The following ERBIN variants were observed in gnomAD, a reference collection of about 807,000 sequenced individuals.
ERBIN encodes the protein densin-180-like protein.
ERBIN carries 60 observed loss-of-function variants against 158.4 expected under a neutral mutation model. That is an observed-to-expected ratio of 0.38 (90% CI 0.31 to 0.47). The LOEUF (loss-of-function observed/expected upper bound fraction) is 0.47, where lower values mean the gene tolerates loss of function less well. ERBIN is among the 20% of genes least tolerant of loss of function. The pLI is 0.99. For missense variants in ERBIN, 1,610 were observed against 1,648.0 expected (o/e 0.98, Z 0.40); for synonymous variants, 594 against 557.2 (o/e 1.07, Z -0.93).
At chr5:65,977,889 C>CTCCGTCTGCAA (rs1487642759) in intron 1 of ERBIN, among the ~76,000 whole-genome samples, 9 of 151,798 alleles carry the variant, frequency 5.9e-5, no homozygotes, top group Admixed American at 5.9e-4. Flanking sequence ...GTGAACGAGA[C>CTCCGTCTGCAA]TCCGTCTGCA....
At chr5:66,013,726 A>C in intron 6 of ERBIN, 88 bp downstream of exon 6, 2 of 767,504 alleles carry the variant, frequency 2.6e-6, no homozygotes, top group Non-Finnish European at 4.4e-6. Context: ...ACTACTCATT[A>C]CAGTTTCATA....
chr5:66,078,136 T>C (rs1762185023), intron 25 of ERBIN, among the ~76,000 whole-genome samples: 1 of 152,188 alleles, frequency 6.6e-6, no homozygotes, highest in Non-Finnish European at 1.5e-5. Context: ...TCACCTCAGA[T>C]ACACATTAGC....
chr5:66,066,523 A>T (rs1390886237), intron 21 of ERBIN, among the ~76,000 whole-genome samples: 3 of 135,212 alleles, frequency 2.2e-5, no homozygotes, highest in East Asian at 2.0e-4. Context: ...TGCCAAAAAT[A>T]AAAAAAAAAA....
chr5:66,010,315 A>T (rs1754070120), intron 4 of ERBIN, among the ~76,000 whole-genome samples: 1 of 152,048 alleles, frequency 6.6e-6, no homozygotes, highest in Non-Finnish European at 1.5e-5. Context: ...AAGTGATATG[A>T]TATTGTTTTT....
At chr5:66,033,600 G>GTAA (rs1554061742) in intron 14 of ERBIN, among the ~76,000 whole-genome samples, 14 of 151,972 alleles carry the variant, frequency 9.2e-5, no homozygotes, top group Non-Finnish European at 1.9e-4. Context: ...TAATTATAGA[G>GTAA]GTATATGGCA....
intron 13 of ERBIN, among the ~76,000 whole-genome samples, chr5:66,026,931 A>G (rs1313941279): frequency 1.3e-5 from 2 of 152,036 alleles, no homozygotes; most frequent in Admixed American, 1.3e-4. Context: ...TCTGTTGCTA[A>G]TATTTTCCTA....
chr5:65,990,540 G>GGCACCTGTAGTC (rs375927450), intron 2 of ERBIN, among the ~76,000 whole-genome samples: 6,419 of 151,862 alleles, frequency 0.042, 471 homozygotes, highest in African/African-American at 0.15. Context: ...CATGGTGGCG[G>GGCACCTGTAGTC]GCAGCTACTC....
chr5:66,068,728 G>A, intron 21 of ERBIN: 2 of 607,944 alleles, frequency 3.3e-6, no homozygotes, highest in Non-Finnish European at 5.3e-6. Context: ...ATGGTAAATG[G>A]TTCCAATTTC....
At chr5:66,001,259 AT>A (rs1370960501) in intron 4 of ERBIN, among the ~76,000 whole-genome samples, 1 of 152,074 alleles carries the variant, frequency 6.6e-6, no homozygotes, top group Non-Finnish European at 1.5e-5. Flanking sequence ...TTAGGTTTTT[AT>A]ATCATTTCAG....
At chr5:66,006,973 T>G (rs1429811004) in intron 4 of ERBIN, among the ~76,000 whole-genome samples, 15 of 121,428 alleles carry the variant, frequency 1.2e-4, no homozygotes, top group Non-Finnish European at 2.0e-4. Flanking sequence ...ATTGTGGAAG[T>G]CAGTGTGGCG....
Position 66,007,338 on chromosome 5 carries a change from A to G in ERBIN, c.308-4711A>G, listed in dbSNP as rs192121386. 1.5e-3 allele frequency among the ~76,000 whole-genome samples: 227 copies of G among 152,104 alleles called. 1 individual carries two copies. Among genetic ancestry groups the G allele is most frequent in the African/African-American group, 5.3e-3 (221 of 41,380 alleles). ...CTCACTCATAGGTGGGAATTGAACA[A>G]TGAGAACACTTGGGCACAGGGAGGG... On this transcript the variant is annotated intron_variant, in intron 4 of 25. Transcript: ENST00000284037.
chr5:66,066,835 T>C (rs7700473), intron 21 of ERBIN, among the ~76,000 whole-genome samples: 9,081 of 152,230 alleles, frequency 0.06, 934 homozygotes, highest in African/African-American at 0.21. Flanking sequence ...TTGAGCACTC[T>C]ACAATGTGTT....
intron 2 of ERBIN, among the ~76,000 whole-genome samples, chr5:65,990,847 G>A (rs1258965871): frequency 6.6e-6 from 1 of 151,374 alleles, no homozygotes; most frequent in Non-Finnish European, 1.5e-5. Flanking sequence ...TGCAGCCTCT[G>A]CCTCCCGGGT....
chr5:65,959,364 T>C (rs1186028832), intron 1 of ERBIN, among the ~76,000 whole-genome samples: 1 of 152,200 alleles, frequency 6.6e-6, no homozygotes, highest in African/African-American at 2.4e-5. Flanking sequence ...TTGGAAGAAG[T>C]ATTAATATTT....
Position 66,054,955 on chromosome 5 carries a change from A to T in ERBIN, c.3633+4A>T. On this transcript the variant is annotated splice_donor_region_variant and intron_variant, in intron 21 of 25. Coordinates refer to ENST00000284037, the MANE Select transcript of ERBIN (RefSeq NM_001253697.2). ...TGAAGCCAAAAAGTTAGAAAAGGTA[A>T]TTGAACATGAGTTTTTCATTATTTT... The T allele has an allele frequency of 6.4e-7, 1 of 1,558,262 alleles. No homozygotes were observed.
At chr5:65,939,673 AGTGCCTGCG>A (rs1300013953) in intron 1 of ERBIN, among the ~76,000 whole-genome samples, 1 of 14,356 alleles carries the variant, frequency 7.0e-5, no homozygotes, top group Non-Finnish European at 7.3e-4. Context: ...CAGCCTGCCG[AGTGCCTGCG>A]ATTGCAGGCG....
intron 4 of ERBIN, among the ~76,000 whole-genome samples, chr5:66,011,358 A>T (rs1402731478): frequency 6.6e-6 from 1 of 152,174 alleles, no homozygotes; most frequent in East Asian, 1.9e-4. Context: ...GCTTATGTAT[A>T]TTAGGAACCA....
intron 20 of ERBIN, among the ~76,000 whole-genome samples, chr5:66,051,352 A>T (rs775639388): frequency 6.6e-6 from 1 of 152,164 alleles, no homozygotes; most frequent in Non-Finnish European, 1.5e-5. Flanking sequence ...CTGGTGGTGT[A>T]TATTTGGCTT....
chr5:65,996,734 A>T (rs756664169), intron 4 of ERBIN, among the ~76,000 whole-genome samples: 2 of 152,130 alleles, frequency 1.3e-5, no homozygotes, highest in Non-Finnish European at 2.9e-5. Flanking sequence ...GGACGTTTTA[A>T]CAATATTGAT....
Sources: allele counts gnomAD v4.1 joint callset (sites outside exome capture counted in the v4.1 genomes callset), GRCh38; gene constraint gnomAD v4.1.1; transcripts MANE v1.5; gene names NCBI Gene and HGNC (gene_info 2026-07-23, HGNC 2026-07-21).